RNF152: variants seen among roughly 807,000 people sequenced by gnomAD.
RNF152 encodes the protein ring finger protein 152.
RNF152 carries 11 observed loss-of-function variants against 12.7 expected under a neutral mutation model. The ratio of observed to expected loss-of-function variants is 0.86; its 90% CI spans 0.54 to 1.43. The LOEUF (loss-of-function observed/expected upper bound fraction) is 1.43. Among genes scored for constraint, RNF152 ranks in the 40% most tolerant of loss-of-function variants. The pLI is 0.00. For missense variants in RNF152, 255 were observed against 274.8 expected (o/e 0.93, Z 0.51); for synonymous variants, 113 against 120.3 (o/e 0.94, Z 0.40).
At chr18:61,820,963 G>A (rs536307283) in intron 1 of RNF152, among the ~76,000 whole-genome samples, 64 of 152,298 alleles carry the variant, frequency 4.2e-4, no homozygotes, top group African/African-American at 1.5e-3. Context: ...AAGGTCAAGT[G>A]AGCTCATGGG....
At chr18:61,885,984 T>TA (rs1912677892) in intron 1 of RNF152, among the ~76,000 whole-genome samples, 5 of 79,646 alleles carry the variant, frequency 6.3e-5, no homozygotes, top group Non-Finnish European at 4.9e-5. Flanking sequence ...TCTTTTGCTT[T>TA]CTTTTTTTTT....
Position 61,873,681 on chromosome 18 carries a change from G to A in RNF152, c.-136+19114C>T, listed in dbSNP as rs539994095. 2.0e-5 allele frequency among the ~76,000 whole-genome samples: 3 copies of A among 152,250 alleles called. No individual in the cohort carries two copies. In the East Asian group the frequency reaches 5.8e-4, roughly 29 times the overall value. On this transcript the variant is annotated intron_variant, in intron 1 of 1. Transcript: ENST00000312828. ...GGCAGGCCTCACATCTTACAGCAGTGGGGTTACCACCACCATTTGTTTCTT... is the reference window on the plus strand; with the variant it reads ...GGCAGGCCTCACATCTTACAGCAGTAGGGTTACCACCACCATTTGTTTCTT...
At chr18:61,838,849 T>C (rs1910307540) in intron 1 of RNF152, among the ~76,000 whole-genome samples, 1 of 152,176 alleles carries the variant, frequency 6.6e-6, no homozygotes, top group Non-Finnish European at 1.5e-5. Context: ...TGTCAGCTGA[T>C]GCTTCTTGAC....
intron 1 of RNF152, among the ~76,000 whole-genome samples, chr18:61,819,424 C>G (rs1909270253): frequency 6.6e-6 from 1 of 152,150 alleles, no homozygotes; most frequent in African/African-American, 2.4e-5. Flanking sequence ...CAAGGGTAGA[C>G]TGGAAAGACC....
At chr18:61,887,761 C>T (rs920453389) in intron 1 of RNF152, among the ~76,000 whole-genome samples, 1 of 151,152 alleles carries the variant, frequency 6.6e-6, no homozygotes, top group African/African-American at 2.4e-5. Context: ...AAAGCTTTTA[C>T]CAAAATCTCT....
At chr18:61,823,639 A>G (rs1909523525) in intron 1 of RNF152, among the ~76,000 whole-genome samples, 1 of 152,234 alleles carries the variant, frequency 6.6e-6, no homozygotes. Context: ...AACAGGGAAT[A>G]GGGCAGGCGA....
chr18:61,845,892 T>C (rs1010400671), intron 1 of RNF152, among the ~76,000 whole-genome samples: 3 of 150,484 alleles, frequency 2.0e-5, no homozygotes, highest in Middle Eastern at 3.5e-3. Context: ...ATCACCAATG[T>C]GAAGGTATTA....
chr18:61,815,818 T>C lies in RNF152; in HGVS notation c.*34A>G, dbSNP rs759501990. The C allele has an allele frequency of 6.3e-6, 10 of 1,598,946 alleles. No homozygotes were observed. The highest frequency in any genetic ancestry group is 2.2e-5 in the East Asian group (1 of 44,678). On this transcript the variant is annotated 3_prime_UTR_variant, in exon 2 of 2. Transcript: ENST00000312828. ...ATCATCAACCTGCTCAACCCCTAAGTTGGCACCCACAAGAGACTTCCCTGC... is the reference window on the plus strand; with the variant it reads ...ATCATCAACCTGCTCAACCCCTAAGCTGGCACCCACAAGAGACTTCCCTGC...
rs1320815778 is a variant in RNF152 at position 61,814,698 on chromosome 18, C to G, written c.*1154G>C. ...AACAGGAATTCTAACTGGCTTAACT[C>G]TTGTGGAAGAGCATCTTTCAAAAAA... On this transcript the variant is annotated 3_prime_UTR_variant, in exon 2 of 2. Transcript: ENST00000312828. 4.6e-5 allele frequency: 7 copies of G among 152,186 alleles called. No homozygotes were observed. Among genetic ancestry groups the G allele is most frequent in the African/African-American group, 1.4e-4 (6 of 41,432 alleles). 9.4% of individuals were successfully genotyped at this position (152,186 alleles called of 1,614,324 possible).
intron 1 of RNF152, among the ~76,000 whole-genome samples, chr18:61,872,849 C>G (rs1157880624): frequency 1.3e-5 from 2 of 152,136 alleles, no homozygotes; most frequent in Non-Finnish European, 2.9e-5. Context: ...GAAATTAAAA[C>G]TCTAAAATTT....
chr18:61,851,113 T>A (rs1449441843), intron 1 of RNF152, among the ~76,000 whole-genome samples: 1 of 151,234 alleles, frequency 6.6e-6, no homozygotes, highest in Admixed American at 6.6e-5. Context: ...AAAAAACTTA[T>A]GATCTGACTG....
Position 61,840,698 on chromosome 18 carries a change from T to A in RNF152, c.-135-24100A>T, listed in dbSNP as rs1910413638. 3.9e-5 allele frequency among the ~76,000 whole-genome samples: 6 copies of A among 152,312 alleles called. No homozygotes were observed. The South Asian group carries it at 1.2e-3, about 32-fold the overall frequency. On this transcript the variant is annotated intron_variant, in intron 1 of 1. Transcript: ENST00000312828. ...AATGGGGGCCTAGCACCCAGGGACC[T>A]ATTTGTTCTAGAGAATTCTCCCATT...
At chr18:61,832,059 G>A (rs1461364192) in intron 1 of RNF152, among the ~76,000 whole-genome samples, 2 of 152,084 alleles carry the variant, frequency 1.3e-5, no homozygotes, top group South Asian at 2.1e-4. Flanking sequence ...TGTTGGAGTC[G>A]TTGCAATTGT....
In RNF152 at chr18:61,854,846, A is replaced by G. The variant is rs115240843; in HGVS notation, c.-136+37949T>C. On this transcript the variant is annotated intron_variant, in intron 1 of 1. Transcript: ENST00000312828. ...TTCGCCTATGTCTGTGTTCAACCTG[A>G]CGTGAAAATAGCAGGCGGAAAAAAA... Among the ~76,000 whole-genome samples the G allele has an allele frequency of 3.4e-3, 525 of 152,312 alleles. 2 individuals are homozygous for G. The highest frequency in any genetic ancestry group is 0.011 in the African/African-American group (453 of 41,562).
chr18:61,817,177 G>A lies in RNF152; in HGVS notation c.-135-579C>T, dbSNP rs577171917. ...GACACTGCAGAAGAAGCACACGAAG[G>A]CATCTTTCATCTTTCCCAACAAATC... On this transcript the variant is annotated intron_variant, in intron 1 of 1. Transcript: ENST00000312828. Among the ~76,000 whole-genome samples, 3 of 152,278 alleles carry A rather than the reference G, an allele frequency of 2.0e-5. No individual in the cohort carries two copies. In the East Asian group the frequency reaches 5.8e-4, roughly 29 times the overall value.
At chr18:61,831,635 G>A (rs527516734) in intron 1 of RNF152, among the ~76,000 whole-genome samples, 96 of 152,052 alleles carry the variant, frequency 6.3e-4, no homozygotes, top group Non-Finnish European at 4.0e-4. Context: ...AAGCAATTTA[G>A]AACACAATGC....
intron 1 of RNF152, among the ~76,000 whole-genome samples, chr18:61,860,399 A>T (rs1911415309): frequency 6.6e-6 from 1 of 152,250 alleles, no homozygotes; most frequent in African/African-American, 2.4e-5. Flanking sequence ...TCAATAACAG[A>T]TCACATAGAA....
intron 1 of RNF152, among the ~76,000 whole-genome samples, chr18:61,822,358 G>T (rs1909458425): frequency 6.6e-6 from 1 of 152,094 alleles, no homozygotes; most frequent in African/African-American, 2.4e-5. Context: ...TGTTGCTGTT[G>T]TTATTTTGAG....
At chr18:61,839,853 C>A (rs1009605139) in intron 1 of RNF152, among the ~76,000 whole-genome samples, 2 of 152,176 alleles carry the variant, frequency 1.3e-5, no homozygotes, top group Non-Finnish European at 2.9e-5. Context: ...CGAGATCGTG[C>A]CTGTGTGCTT....
Sources: allele counts gnomAD v4.1 joint callset (sites outside exome capture counted in the v4.1 genomes callset), GRCh38; gene constraint gnomAD v4.1.1; transcripts MANE v1.5; gene names NCBI Gene and HGNC (gene_info 2026-07-23, HGNC 2026-07-21).